The following CPNE1 variants were observed in gnomAD, a reference collection of about 807,000 sequenced individuals.
CPNE1 encodes copine-1.
A neutral mutation model predicts 63.2 loss-of-function variants in CPNE1; 58 were observed. The observed-to-expected ratio is 0.92, with a 90% CI of 0.74 to 1.14. The LOEUF is 1.14. CPNE1 is among the 50% of genes most tolerant of loss of function. The pLI is 0.00. For missense variants in CPNE1, 672 were observed against 661.7 expected, an observed-to-expected ratio of 1.02 and a Z score of -0.17; for synonymous variants, 237 against 249.0, an observed-to-expected ratio of 0.95 and a Z score of 0.45.
At chr20:35,649,756 C>T (rs890114573) in intron 1 of CPNE1, 3 of 149,938 alleles carry the variant, frequency 2.0e-5, no homozygotes, top group African/African-American at 4.9e-5. Flanking sequence ...AAATGAACAC[C>T]AATAAAAAAA....
At chr20:35,659,083 T>A (rs2034078962) in intron 1 of CPNE1, 1 of 634,802 alleles carries the variant, frequency 1.6e-6, no homozygotes, top group South Asian at 1.9e-5. Flanking sequence ...CAGGCCACAC[T>A]GTACATTACG....
intron 1 of CPNE1, among the ~76,000 whole-genome samples, chr20:35,634,365 T>C (rs1429578296): frequency 6.7e-6 from 1 of 150,334 alleles, no homozygotes; most frequent in East Asian, 2.0e-4. Flanking sequence ...TGGCCAGATA[T>C]GGTGGCTCAC....
chr20:35,655,029 T>C (rs1288707546), intron 1 of CPNE1: 2 of 1,614,166 alleles, frequency 1.2e-6, no homozygotes, highest in Non-Finnish European at 8.5e-7. Context: ...CATTTGCTGG[T>C]GGTATATCTA....
chr20:35,659,839 CATT>C (rs2034130161), intron 1 of CPNE1, among the ~76,000 whole-genome samples: 1 of 152,026 alleles, frequency 6.6e-6, no homozygotes, highest in Non-Finnish European at 1.5e-5. Context: ...ATTCAAAGGT[CATT>C]TTTTGCTTTT....
intron 1 of CPNE1, chr20:35,654,838 A>G (rs2033799523): frequency 1.9e-6 from 3 of 1,614,204 alleles, no homozygotes; most frequent in African/African-American, 2.7e-5. Context: ...GGAAGCCCCC[A>G]TATTTGGAGG....
chr20:35,648,403 A>G (rs1229456504), intron 1 of CPNE1, among the ~76,000 whole-genome samples: 12 of 152,376 alleles, frequency 7.9e-5, no homozygotes, highest in Non-Finnish European at 1.5e-4. Context: ...AATGAATTAC[A>G]TAACTGATCT....
chr20:35,626,730 C>G lies in CPNE1; in HGVS notation c.1310G>C (p.Arg437Pro). The G allele has an allele frequency of 6.2e-7, 1 of 1,614,138 alleles. No individual in the cohort carries two copies. Among genetic ancestry groups the G allele is most frequent in the Non-Finnish European group, 8.5e-7 (1 of 1,180,030 alleles). ...CACTGACATGGGCAGGTTCGAGGCACGCACCACAGCCTCACGTGTGGCTTC... is the reference window on the plus strand; with the variant it reads ...CACTGACATGGGCAGGTTCGAGGCAGGCACCACAGCCTCACGTGTGGCTTC... ...DVEATREAVV[R>P]ASNLPMSVII... The change falls in exon 15 of 16, where the codon CGT (arginine) becomes CCT (proline). Residue 437 changes from arginine to proline, a missense_variant. Transcript: ENST00000397443.
chr20:35,651,498 G>A (rs941353516), intron 1 of CPNE1: 2 of 152,092 alleles, frequency 1.3e-5, no homozygotes, highest in African/African-American at 4.8e-5. Context: ...TACTACTACT[G>A]CTAACAAAGA....
chr20:35,650,972 A>T (rs984458662), intron 1 of CPNE1: 28 of 152,572 alleles, frequency 1.8e-4, no homozygotes, highest in Non-Finnish European at 8.8e-5. Context: ...GGTTTTCATG[A>T]TCTCTCATCT....
chr20:35,630,677 CA>C, intron 12 of CPNE1, 63 bp downstream of exon 12: 6 of 1,583,508 alleles, frequency 3.8e-6, no homozygotes, highest in Non-Finnish European at 5.2e-6. Context: ...GTAAATTTAC[CA>C]CATCCCCCAA....
At chr20:35,633,959 CA>C (rs34006508) in intron 1 of CPNE1, among the ~76,000 whole-genome samples, 4,903 of 40,432 alleles carry the variant, frequency 0.12, 74 homozygotes, top group South Asian at 0.21. Flanking sequence ...GATTCCGTCT[CA>C]AAAAAAAAAA....
chr20:35,656,570 T>C (rs2033908550), intron 1 of CPNE1, among the ~76,000 whole-genome samples: 1 of 152,228 alleles, frequency 6.6e-6, no homozygotes, highest in Admixed American at 6.5e-5. Flanking sequence ...GTTTCACTCT[T>C]GTAGCCCAGG....
chr20:35,653,233 A>G (rs766966172), intron 1 of CPNE1: 9 of 1,613,566 alleles, frequency 5.6e-6, no homozygotes, highest in Non-Finnish European at 7.6e-6. Context: ...TGCACTAGGT[A>G]TTCCTGCACT....
intron 13 of CPNE1, 144 bp from the exon 14 acceptor site, chr20:35,627,557 G>A: frequency 1.3e-6 from 1 of 759,870 alleles, no homozygotes; most frequent in Non-Finnish European, 2.0e-6. Context: ...GTACTTAACT[G>A]TCTCCTACAC....
In CPNE1 at chr20:35,653,603, C is replaced by T. The variant is rs1191047398; in HGVS notation, c.-1+11157G>A. 2.5e-6 allele frequency: 4 copies of T among 1,614,058 alleles called. No homozygotes were observed. In the African/African-American group the frequency reaches 4.0e-5, roughly 16 times the overall value. ...CCATTGTTATCAACAAGAACATGTA[C>T]AGCATTTTCATCCACTGGGATTCCT... On this transcript the variant is annotated intron_variant, in intron 1 of 15. Coordinates refer to ENST00000397443, the MANE Select transcript of CPNE1 (RefSeq NM_152925.3).
At chr20:35,663,375 C>T (rs1204117371) in intron 1 of CPNE1, among the ~76,000 whole-genome samples, 1 of 152,198 alleles carries the variant, frequency 6.6e-6, no homozygotes, top group Non-Finnish European at 1.5e-5. Flanking sequence ...ATTCTTGTTG[C>T]TAAGACTGCA....
chr20:35,634,787 GAAGTGCAGTGGTGAGATCTC>G (rs2032390902), intron 1 of CPNE1, among the ~76,000 whole-genome samples: 1 of 151,972 alleles, frequency 6.6e-6, no homozygotes, highest in Admixed American at 6.6e-5. Context: ...CACCCAGGCT[GAAGTGCAGTGGTGAGATCTC>G]AGCTCACCAC....
At chr20:35,636,553 G>A (rs145120842) in intron 1 of CPNE1, among the ~76,000 whole-genome samples, 120 of 152,260 alleles carry the variant, frequency 7.9e-4, no homozygotes, top group African/African-American at 2.6e-3. Flanking sequence ...TAATCCCAGC[G>A]TTTTGGGACG....
chr20:35,658,874 T>C (rs1277845540), intron 1 of CPNE1: 1 of 704,278 alleles, frequency 1.4e-6, no homozygotes, highest in Non-Finnish European at 2.6e-6. Context: ...TATTTCTTAA[T>C]AAGCTATCTC....
Sources: gnomAD v4.1 joint callset for allele counts (sites outside exome capture counted in the v4.1 genomes callset) on GRCh38, gnomAD v4.1.1 for gene constraint, MANE v1.5 for transcripts, NCBI Gene and HGNC (gene_info 2026-07-23, HGNC 2026-07-21) for gene names.